The following CERS3 variants were observed in gnomAD, a reference collection of about 807,000 sequenced individuals.
The protein encoded by CERS3 is ceramide synthase 3.
CERS3 carries 33 observed loss-of-function variants against 50.3 expected under a neutral mutation model. The ratio of observed to expected loss-of-function variants is 0.66; its 90% CI spans 0.50 to 0.88. The LOEUF is 0.88. Among genes scored for constraint, CERS3 ranks in the 40% least tolerant of loss-of-function variants. The pLI is 0.00. For missense variants in CERS3, 470 were observed against 460.3 expected (o/e 1.02, Z -0.19); for synonymous variants, 176 against 155.2 (o/e 1.13, Z -0.99).
chr15:100,458,634 G>A (rs1294578862), intron 10 of CERS3, among the ~76,000 whole-genome samples: 2 of 151,176 alleles, frequency 1.3e-5, no homozygotes, highest in Admixed American at 1.3e-4. Context: ...AAAAATTTAG[G>A]AATTACAGAA....
At chr15:100,436,592 A>C in intron 11 of CERS3, among the ~76,000 whole-genome samples, 1 of 152,278 alleles carries the variant, frequency 6.6e-6, no homozygotes, top group African/African-American at 2.4e-5. Context: ...TACATATATA[A>C]CAAACCTGCA....
intron 11 of CERS3, among the ~76,000 whole-genome samples, chr15:100,437,500 T>C (rs193192045): frequency 4.5e-4 from 69 of 152,308 alleles, no homozygotes; most frequent in Admixed American, 1.2e-3. Flanking sequence ...AAACTGTCAC[T>C]GGAGCCTTGG....
intron 11 of CERS3, among the ~76,000 whole-genome samples, chr15:100,406,255 A>C (rs1424290716): frequency 6.6e-6 from 1 of 152,200 alleles, no homozygotes; most frequent in Non-Finnish European, 1.5e-5. Flanking sequence ...TGTCTCTATT[A>C]AACCCAGCTT....
intron 11 of CERS3, among the ~76,000 whole-genome samples, chr15:100,431,770 A>G (rs998101447): frequency 1.3e-5 from 2 of 152,160 alleles, no homozygotes; most frequent in Non-Finnish European, 2.9e-5. Flanking sequence ...ACCTCTGTAG[A>G]TTTAACTGGT....
intron 11 of CERS3, among the ~76,000 whole-genome samples, chr15:100,410,161 G>C (rs1049945226): frequency 6.6e-6 from 1 of 152,166 alleles, no homozygotes; most frequent in East Asian, 1.9e-4. Context: ...CATGATTTTT[G>C]CGAGGTCTTT....
chr15:100,413,833 C>G (rs529606417), intron 11 of CERS3, among the ~76,000 whole-genome samples: 2 of 147,408 alleles, frequency 1.4e-5, no homozygotes, highest in African/African-American at 4.9e-5. Context: ...AACTAGAAAA[C>G]CTAGAAGAAA....
At chr15:100,499,241 T>C (rs2035925788) in intron 3 of CERS3, among the ~76,000 whole-genome samples, 1 of 152,186 alleles carries the variant, frequency 6.6e-6, no homozygotes, top group African/African-American at 2.4e-5. Context: ...ATTCCATGAG[T>C]GTTGACATTT....
intron 10 of CERS3, among the ~76,000 whole-genome samples, chr15:100,462,391 G>A (rs78951970): frequency 0.011 from 1,705 of 152,298 alleles, 12 homozygotes; most frequent in Non-Finnish European, 0.019. Flanking sequence ...AGTTGTATTT[G>A]TCTAATGAAA....
intron 4 of CERS3, 46 bp downstream of exon 4, chr15:100,490,771 T>G (rs765930848): frequency 6.9e-5 from 83 of 1,198,802 alleles, no homozygotes; most frequent in Non-Finnish European, 8.8e-5. Context: ...ATTGAACCAT[T>G]AAGAAAGAAG....
At chr15:100,504,704 G>T (rs557681594) in intron 2 of CERS3, among the ~76,000 whole-genome samples, 1 of 152,282 alleles carries the variant, frequency 6.6e-6, no homozygotes, top group South Asian at 2.1e-4. Context: ...AAGGACAGGG[G>T]TGAAGGGGTG....
At chr15:100,442,381 C>T (rs1411931791) in intron 11 of CERS3, among the ~76,000 whole-genome samples, 1 of 152,218 alleles carries the variant, frequency 6.6e-6, no homozygotes, top group Non-Finnish European at 1.5e-5. Context: ...TTAACCTCGC[C>T]TTCAAGGTGT....
At position 100,490,798 on chromosome 15, in the gene CERS3, G is replaced by T. The variant is rs759622127; in HGVS notation, c.288+19C>A. The T allele has an allele frequency of 2.0e-6, 3 of 1,471,682 alleles. No individual in the cohort carries two copies. The highest frequency in any genetic ancestry group is 1.7e-5 in the Admixed American group (1 of 58,862). 91.2% of individuals were successfully genotyped at this position (1,471,682 alleles called of 1,614,324 possible). On this transcript the variant is annotated intron_variant, in intron 4 of 11. Coordinates refer to ENST00000679737, the MANE Select transcript of CERS3 (RefSeq NM_001378789.1). ...AGAAAGAAGATTTTTAAGTCGAAAAGCAAAGAATTTGTACTTACTTGCAAT... is the reference window on the plus strand; with the variant it reads ...AGAAAGAAGATTTTTAAGTCGAAAATCAAAGAATTTGTACTTACTTGCAAT...
At chr15:100,442,326 T>A (rs982823344) in intron 11 of CERS3, among the ~76,000 whole-genome samples, 2 of 152,126 alleles carry the variant, frequency 1.3e-5, no homozygotes, top group South Asian at 4.1e-4. Context: ...TAAATAAAAC[T>A]CCAAAAATTA....
intron 2 of CERS3, among the ~76,000 whole-genome samples, chr15:100,520,635 TG>T (rs745803233): frequency 1.3e-5 from 2 of 152,162 alleles, no homozygotes; most frequent in Non-Finnish European, 2.9e-5. Context: ...AAAAGCAGGC[TG>T]GGAAAATACA....
intron 3 of CERS3, among the ~76,000 whole-genome samples, chr15:100,495,980 T>G (rs1364006567): frequency 1.3e-5 from 2 of 152,222 alleles, no homozygotes; most frequent in African/African-American, 4.8e-5. Context: ...TCTGTTTTTC[T>G]AGTTTGCCTT....
chr15:100,453,037 G>T (rs1325514548), intron 11 of CERS3, among the ~76,000 whole-genome samples: 1 of 151,892 alleles, frequency 6.6e-6, no homozygotes, highest in Non-Finnish European at 1.5e-5. Flanking sequence ...TCCAGGTCCA[G>T]ATAGCTGTAT....
chr15:100,443,939 C>T (rs975596150), intron 11 of CERS3, among the ~76,000 whole-genome samples: 2 of 152,152 alleles, frequency 1.3e-5, no homozygotes, highest in African/African-American at 2.4e-5. Context: ...AAATCCTTTC[C>T]CCACTCCTCT....
In CERS3 at chr15:100,467,466, A is replaced by G. The variant is rs376964745; in HGVS notation, c.845+1912T>C. Among the ~76,000 whole-genome samples the G allele has an allele frequency of 1.1e-4, 16 of 152,210 alleles. No individual in the cohort carries two copies. The South Asian group carries it at 2.7e-3, about 26-fold the overall frequency. Reference sequence around the variant, plus strand: ...TTAAAGGATTATAAAACAAAATAAAATGAATAAAAACTTGCAAAAAAGATC... The same window carrying G: ...TTAAAGGATTATAAAACAAAATAAAGTGAATAAAAACTTGCAAAAAAGATC... On this transcript the variant is annotated intron_variant, in intron 10 of 11. Coordinates refer to ENST00000679737, the MANE Select transcript of CERS3 (RefSeq NM_001378789.1).
At chr15:100,411,656 T>C (rs1005255680) in intron 11 of CERS3, among the ~76,000 whole-genome samples, 1 of 152,210 alleles carries the variant, frequency 6.6e-6, no homozygotes, top group Non-Finnish European at 1.5e-5. Context: ...CTTTTAGATA[T>C]ATATCCAGAA....
Sources: allele counts gnomAD v4.1 joint callset (sites outside exome capture counted in the v4.1 genomes callset), GRCh38; gene constraint gnomAD v4.1.1; transcripts MANE v1.5; gene names NCBI Gene and HGNC (gene_info 2026-07-23, HGNC 2026-07-21).